Variants in PHACTR2 observed in about 807,000 individuals in gnomAD.
PHACTR2 encodes chromosome 6 open reading frame 56.
In PHACTR2, 30 loss-of-function variants were observed where a neutral mutation model predicts 76.0. The ratio of observed to expected loss-of-function variants is 0.39; its 90% CI spans 0.30 to 0.54. The LOEUF is 0.54. PHACTR2 is among the 20% of genes least tolerant of loss of function. The probability of loss-of-function intolerance (pLI) is 0.61; values close to 1 mark genes in which losing one functional copy is unlikely to be tolerated. For missense variants in PHACTR2, 696 were observed against 781.1 expected, an observed-to-expected ratio of 0.89 and a Z score of 1.30; for synonymous variants, 292 against 292.5, an observed-to-expected ratio of 1.00 and a Z score of 0.02.
rs1466309995 is a variant in PHACTR2, at chr6:143,784,560, A to G, written c.1707+1280A>G. Reference sequence around the variant, plus strand: ...CCAAGGCAGATGGAGGCAATGCTTCATTCCCACAGAAAAGCTATGGGACTA... The same window carrying G: ...CCAAGGCAGATGGAGGCAATGCTTCGTTCCCACAGAAAAGCTATGGGACTA... On this transcript the variant is annotated intron_variant, in intron 10 of 12. Coordinates refer to ENST00000440869, the MANE Select transcript of PHACTR2 (RefSeq NM_001100164.2). The surrounding 1 kb of genome is among the most constrained non-coding windows in gnomAD (Gnocchi z 4.5). Among the ~76,000 whole-genome samples the G allele has an allele frequency of 6.6e-6, 1 of 152,208 alleles. No individual in the cohort carries two copies. Among genetic ancestry groups the G allele is most frequent in the Admixed American group, 6.5e-5 (1 of 15,280 alleles).
At chr6:143,573,789 A>G (rs1037368546) in intron 1 of PHACTR2, among the ~76,000 whole-genome samples, 2 of 152,180 alleles carry the variant, frequency 1.3e-5, no homozygotes, top group Non-Finnish European at 2.9e-5. Context: ...TTATATTTGT[A>G]TGGAGCTTAG....
At chr6:143,565,875 C>T (rs967147048) in intron 1 of PHACTR2, among the ~76,000 whole-genome samples, 3 of 152,166 alleles carry the variant, frequency 2.0e-5, no homozygotes, top group East Asian at 1.9e-4. Flanking sequence ...GGGGAGTCTG[C>T]GCAGGGTCCT....
At position 143,547,908 on chromosome 6, in the gene PHACTR2, CATCT is replaced by C. The variant is rs369510330; in HGVS notation, c.217+10709_217+10712del. Among the ~76,000 whole-genome samples, 1 of 152,068 alleles carries C rather than the reference CATCT, an allele frequency of 6.6e-6. No homozygotes were observed. The highest frequency in any genetic ancestry group is 1.5e-5 in the Non-Finnish European group (1 of 68,020). ...CGTATGTATCTATCTATCTATCTAT[CATCT>C]ATCTATCCATCTATCCATTCATCAT... On this transcript the variant is annotated intron_variant, in intron 1 of 11. Transcript: ENST00000367584. The surrounding 1 kb of genome is among the most constrained non-coding windows in gnomAD (Gnocchi z 4.2).
rs1285413077 is a variant in PHACTR2, at chr6:143,652,089, A to C, written c.13+43767A>C. On this transcript the variant is annotated intron_variant, in intron 1 of 11. Transcript: ENST00000305766. This position sits in a 1 kb window ranked among gnomAD's most constrained non-coding sequence, Gnocchi z 4.5. Reference sequence around the variant, plus strand: ...AGCAAAAAAAAAAAAAAAGGCCGGTAAACACTGGTGATTCTGCTTTATACT... The same window carrying C: ...AGCAAAAAAAAAAAAAAAGGCCGGTCAACACTGGTGATTCTGCTTTATACT... Among the ~76,000 whole-genome samples the C allele has an allele frequency of 6.6e-6, 1 of 150,806 alleles. No homozygotes were observed. The highest frequency in any genetic ancestry group is 1.9e-4 in the East Asian group (1 of 5,172).
Position 143,777,399 on chromosome 6 carries a change from T to C in PHACTR2, c.1645+16T>C. On this transcript the variant is annotated intron_variant, in intron 9 of 12. Coordinates refer to ENST00000440869, the MANE Select transcript of PHACTR2 (RefSeq NM_001100164.2). The surrounding 1 kb of genome is among the most constrained non-coding windows in gnomAD (Gnocchi z 4.6). ...ATCCTAAAACGTGAGTATTCTATAC[T>C]ATAGAATGATTCCTTGTGTAATCGC... 7.0e-7 allele frequency: 1 copy of C among 1,437,082 alleles called. No individual in the cohort carries two copies. The highest frequency in any genetic ancestry group is 9.7e-7 in the Non-Finnish European group (1 of 1,032,396). The allele number at this position is 1,437,082 out of a possible 1,614,324, so 89.0% of individuals were successfully genotyped here.
At position 143,549,012 on chromosome 6, in the gene PHACTR2, G is replaced by A. The variant is rs1775048314; in HGVS notation, c.217+11805G>A. ...ACCTGTGGCTTGAGGAGTATAAAGA[G>A]TACAGGGAAGAAGGCTTGGCCATGA... On this transcript the variant is annotated intron_variant, in intron 1 of 11. Transcript: ENST00000367584. The surrounding 1 kb of genome is among the most constrained non-coding windows in gnomAD (Gnocchi z 4.2). Among the ~76,000 whole-genome samples the A allele has an allele frequency of 6.6e-6, 1 of 151,838 alleles. No homozygotes were observed. Among genetic ancestry groups the A allele is most frequent in the Non-Finnish European group, 1.5e-5 (1 of 67,904 alleles).
intron 1 of PHACTR2, among the ~76,000 whole-genome samples, chr6:143,631,048 G>A (rs1366770239): frequency 6.6e-6 from 1 of 152,062 alleles, no homozygotes; most frequent in Non-Finnish European, 1.5e-5. Flanking sequence ...TACAAAGCAA[G>A]GAATTAAATA....
chr6:143,642,292 G>A lies in PHACTR2; in HGVS notation c.13+33970G>A, dbSNP rs548046962. ...ATTAGGGAGAAATTATTTATTGTCT[G>A]CATCGCAAGCAGGCTTGCTTTGGAA... On this transcript the variant is annotated intron_variant, in intron 1 of 11. Transcript: ENST00000305766. Among the ~76,000 whole-genome samples the A allele has an allele frequency of 1.7e-3, 254 of 152,322 alleles. 1 individual carries two copies. In the South Asian group the frequency reaches 0.021, roughly 13 times the overall value.
chr6:143,645,797 A>G (rs1486672991), intron 1 of PHACTR2, among the ~76,000 whole-genome samples: 1 of 152,230 alleles, frequency 6.6e-6, no homozygotes, highest in Non-Finnish European at 1.5e-5. Context: ...TCCCTTCCTC[A>G]TAGAATACAC....
chr6:143,556,886 T>C lies in PHACTR2; in HGVS notation c.217+19679T>C, dbSNP rs1775182007. The stretch of plus-strand genomic sequence containing the variant: ...TTTAAAAATATGGGCCAGGAACTAA[T>C]AAAAATGATGCACAAAGACGTGAGA... On this transcript the variant is annotated intron_variant, in intron 1 of 11. Coordinates refer to the PHACTR2 transcript ENST00000367584. The surrounding 1 kb of genome is among the most constrained non-coding windows in gnomAD (Gnocchi z 4.3). Among the ~76,000 whole-genome samples the C allele has an allele frequency of 6.6e-6, 1 of 152,142 alleles. No individual in the cohort carries two copies. The highest frequency in any genetic ancestry group is 2.4e-5 in the African/African-American group (1 of 41,424).
intron 1 of PHACTR2, among the ~76,000 whole-genome samples, chr6:143,613,051 A>T (rs1776005059): frequency 6.6e-6 from 1 of 152,182 alleles, no homozygotes; most frequent in Admixed American, 6.5e-5. Flanking sequence ...ATCTCGGCTC[A>T]CTGCAAGCTC....
At position 143,589,944 on chromosome 6, in the gene PHACTR2, CAAAACGT is replaced by C. The variant is rs2128434220; in HGVS notation, c.217+52740_217+52746del. Among the ~76,000 whole-genome samples, 1 of 152,278 alleles carries C rather than the reference CAAAACGT, an allele frequency of 6.6e-6. No homozygotes were observed. Among genetic ancestry groups the C allele is most frequent in the African/African-American group, 2.4e-5 (1 of 41,554 alleles). ...TCAAAGTAGATGGCAAATTCCTAAA[CAAAACGT>C]AACCTAACCCAGCAATGTGTCTAAA... On this transcript the variant is annotated intron_variant, in intron 1 of 11. Coordinates refer to the PHACTR2 transcript ENST00000367584. The surrounding 1 kb of genome is among the most constrained non-coding windows in gnomAD (Gnocchi z 4.4).
chr6:143,643,396 G>T (rs942394276), intron 1 of PHACTR2, among the ~76,000 whole-genome samples: 4 of 152,160 alleles, frequency 2.6e-5, no homozygotes, highest in Non-Finnish European at 5.9e-5. Context: ...AAATTGGTTA[G>T]TTTATAGTCC....
In PHACTR2 at chr6:143,823,738, G is replaced by A. The variant is rs41285027; in HGVS notation, c.*49G>A. 0.052 allele frequency: 79,041 copies of A among 1,509,024 alleles called. 2,555 individuals are homozygous for A. Among genetic ancestry groups the A allele is most frequent in the South Asian group, 0.12 (11,050 of 88,590 alleles). 93.5% of individuals were successfully genotyped at this position (1,509,024 alleles called of 1,614,324 possible). On this transcript the variant is annotated 3_prime_UTR_variant, in exon 13 of 13. Coordinates refer to ENST00000440869, the MANE Select transcript of PHACTR2 (RefSeq NM_001100164.2). The surrounding 1 kb of genome is among the most constrained non-coding windows in gnomAD (Gnocchi z 5.7). ...CAGAGACTGATCATCTTTGGGGGAA[G>A]CCCTGCTTCCTGAAAACCTGATATT...
In PHACTR2 at chr6:143,647,578, G is replaced by A. The variant is rs72990807; in HGVS notation, c.13+39256G>A. On this transcript the variant is annotated intron_variant, in intron 1 of 11. Transcript: ENST00000305766. The surrounding 1 kb of genome is among the most constrained non-coding windows in gnomAD (Gnocchi z 4.2). Reference sequence around the variant, plus strand: ...TAATTTAGTTAAGTGAGATGGGGGCGGGAAAGAAGAGAAAATAGAGAGACA... The same window carrying A: ...TAATTTAGTTAAGTGAGATGGGGGCAGGAAAGAAGAGAAAATAGAGAGACA... 0.12 allele frequency among the ~76,000 whole-genome samples: 18,446 copies of A among 152,204 alleles called. 1,300 individuals are homozygous for A. Among genetic ancestry groups the A allele is most frequent in the Middle Eastern group, 0.22 (63 of 292 alleles).
At chr6:143,604,891 C>CAAAA (rs370249476), upstream of PHACTR2, among the ~76,000 whole-genome samples, 1 of 132,312 alleles carries the variant, frequency 7.6e-6, no homozygotes, top group African/African-American at 2.8e-5. Context: ...GACTCCGTCT[C>CAAAA]AAAAAAAAAA....
At chr6:143,600,329 G>T (rs1775800829) in intron 1 of PHACTR2, among the ~76,000 whole-genome samples, 1 of 152,208 alleles carries the variant, frequency 6.6e-6, no homozygotes, top group Non-Finnish European at 1.5e-5. Context: ...TTAAGCAACA[G>T]GCTACCCCTT....
At position 143,755,485 on chromosome 6, in the gene PHACTR2, AC is replaced by A; in HGVS notation, c.454+1574del. ...TTATCAACATAATAAAAAGTTCCTG[AC>A]AGTTTTATATGAATTAACCAACAGA... On this transcript the variant is annotated intron_variant, in intron 4 of 12. Coordinates refer to ENST00000440869, the MANE Select transcript of PHACTR2 (RefSeq NM_001100164.2). The surrounding 1 kb of genome is among the most constrained non-coding windows in gnomAD (Gnocchi z 5.2). 1 of 393,178 alleles carries A rather than the reference AC, an allele frequency of 2.5e-6. No homozygotes were observed. Among genetic ancestry groups the A allele is most frequent in the Non-Finnish European group, 5.1e-6 (1 of 197,292 alleles). 24.4% of individuals were successfully genotyped at this position (393,178 alleles called of 1,614,324 possible). A position where few individuals can be genotyped will look rare whatever the true frequency, so the allele number is the denominator to read the frequency against.
rs1161748524 is a variant in PHACTR2 at position 143,557,939 on chromosome 6, C to T, written c.217+20732C>T. ...CTTTGCTTTGTTTTGTTTTCTCATT[C>T]CTGCCTCAGCAATACCCTTGAAGGA... On this transcript the variant is annotated intron_variant, in intron 1 of 11. Transcript: ENST00000367584. The surrounding 1 kb of genome is among the most constrained non-coding windows in gnomAD (Gnocchi z 5.5). The T allele has an allele frequency of 6.6e-6, 1 of 152,116 alleles. No individual in the cohort carries two copies. Among genetic ancestry groups the T allele is most frequent in the Admixed American group, 6.5e-5 (1 of 15,268 alleles). The allele number at this position is 152,116 out of a possible 1,614,324, so 9.4% of individuals were successfully genotyped here. A position where few individuals can be genotyped will look rare whatever the true frequency, so the allele number is the denominator to read the frequency against.
Sources: gnomAD v4.1 joint callset for allele counts (sites outside exome capture counted in the v4.1 genomes callset) on GRCh38, gnomAD v4.1.1 for gene constraint, Gnocchi (gnomAD v3.1) non-coding constraint, MANE v1.5 for transcripts, NCBI Gene and HGNC (gene_info 2026-07-23, HGNC 2026-07-21) for gene names.